ACACA: variants seen among roughly 807,000 people sequenced by gnomAD.
ACACA encodes acetyl-CoA carboxylase alpha.
ACACA carries 103 observed loss-of-function variants against 296.1 expected under a neutral mutation model. The observed-to-expected ratio is 0.35, with a 90% confidence interval of 0.30 to 0.41. The LOEUF is 0.41. ACACA is among the 10% of genes least tolerant of loss of function. The pLI is 1.00. For missense variants in ACACA, 1,554 were observed against 2,989.7 expected (o/e 0.52, Z 11.20); for synonymous variants, 953 against 1,038.6 (o/e 0.92, Z 1.58).
At chr17:37,292,175 A>C (rs895457793) in intron 3 of ACACA, among the ~76,000 whole-genome samples, 2 of 152,204 alleles carry the variant, frequency 1.3e-5, no homozygotes, top group African/African-American at 4.8e-5. Flanking sequence ...TAACTGTATA[A>C]CATCATGTAA....
chr17:37,138,074 G>A (rs1019414202), intron 45 of ACACA, among the ~76,000 whole-genome samples: 8 of 152,132 alleles, frequency 5.3e-5, no homozygotes, highest in South Asian at 4.1e-4. Flanking sequence ...ATTAGGAACC[G>A]GTCAAAAATC....
At chr17:37,324,404 G>A (rs907582256) in intron 3 of ACACA, among the ~76,000 whole-genome samples, 12 of 148,056 alleles carry the variant, frequency 8.1e-5, no homozygotes, top group Non-Finnish European at 1.6e-4. Flanking sequence ...GGTGGCTCAC[G>A]CCCACCCATA....
chr17:37,186,111 C>G (rs1468018834), intron 39 of ACACA, among the ~76,000 whole-genome samples: 1 of 152,182 alleles, frequency 6.6e-6, no homozygotes, highest in African/African-American at 2.4e-5. Flanking sequence ...TTCCTGAATA[C>G]TCAACTATCT....
chr17:37,127,931 G>A (rs1226190294), intron 47 of ACACA, among the ~76,000 whole-genome samples: 2 of 143,440 alleles, frequency 1.4e-5, no homozygotes, highest in Admixed American at 1.4e-4. Context: ...ACAAAAAAAA[G>A]GGGAAAGAAG....
intron 1 of ACACA, chr17:37,391,541 C>T: frequency 1.0e-6 from 1 of 977,892 alleles, no homozygotes; most frequent in Non-Finnish European, 1.6e-6. Flanking sequence ...ATGAAGTGCA[C>T]TTGGAATTAC....
At chr17:37,093,371 C>G (rs1318729975) in intron 54 of ACACA, among the ~76,000 whole-genome samples, 1 of 152,164 alleles carries the variant, frequency 6.6e-6, no homozygotes, top group African/African-American at 2.4e-5. Context: ...AGTCAGCCCC[C>G]TTTCCGCCGA....
At chr17:37,332,574 T>C (rs894616436) in intron 2 of ACACA, among the ~76,000 whole-genome samples, 55 of 120,610 alleles carry the variant, frequency 4.6e-4, no homozygotes, top group Non-Finnish European at 4.4e-4. Flanking sequence ...AGTTCAAGAC[T>C]AGCATGAGCA....
chr17:37,204,869 T>G (rs1312787410), intron 33 of ACACA, among the ~76,000 whole-genome samples: 1 of 152,158 alleles, frequency 6.6e-6, no homozygotes, highest in African/African-American at 2.4e-5. Flanking sequence ...GAATCACTGT[T>G]AAGTGGGAAA....
intron 38 of ACACA, among the ~76,000 whole-genome samples, chr17:37,188,970 T>C (rs1367733718): frequency 3.3e-5 from 5 of 152,240 alleles, no homozygotes; most frequent in African/African-American, 9.6e-5. Flanking sequence ...CTTTATAATA[T>C]ATGTCTCTTG....
At chr17:37,100,415 T>G (rs527933574) in intron 52 of ACACA, among the ~76,000 whole-genome samples, 21 of 152,136 alleles carry the variant, frequency 1.4e-4, no homozygotes, top group Non-Finnish European at 2.6e-4. Context: ...GGACAGAACA[T>G]GACTTCCGCA....
intron 3 of ACACA, among the ~76,000 whole-genome samples, chr17:37,293,510 T>G (rs1048718692): frequency 6.6e-6 from 1 of 151,844 alleles, no homozygotes; most frequent in African/African-American, 2.4e-5. Context: ...GACCCAGATA[T>G]TCAATGAGCA....
chr17:37,223,950 C>T (rs1277127195), intron 27 of ACACA, among the ~76,000 whole-genome samples: 1 of 152,180 alleles, frequency 6.6e-6, no homozygotes, highest in Non-Finnish European at 1.5e-5. Context: ...ACCTATAATC[C>T]CAGCACTTTA....
chr17:37,384,137 G>A (rs1168912009), intron 1 of ACACA, among the ~76,000 whole-genome samples: 2 of 152,154 alleles, frequency 1.3e-5, no homozygotes, highest in East Asian at 1.9e-4. Flanking sequence ...AGTGGTGTGC[G>A]CCTGTTGTCC....
chr17:37,289,134 G>A (rs1208966756), intron 3 of ACACA, among the ~76,000 whole-genome samples: 1 of 150,948 alleles, frequency 6.6e-6, no homozygotes, highest in African/African-American at 2.4e-5. Flanking sequence ...GTGGTGGCAG[G>A]CGCCTGTAGT....
intron 29 of ACACA, among the ~76,000 whole-genome samples, chr17:37,221,203 G>C (rs1234504721): frequency 6.6e-6 from 1 of 152,172 alleles, no homozygotes; most frequent in African/African-American, 2.4e-5. Context: ...TAATTTATTT[G>C]AGATTAAGAA....
intron 1 of ACACA, among the ~76,000 whole-genome samples, chr17:37,347,461 C>T (rs1291669095): frequency 2.6e-5 from 4 of 152,078 alleles, no homozygotes. Flanking sequence ...ACCCAGCTAG[C>T]TTTTTTGTGA....
At chr17:37,158,035 G>C (rs1251254944) in intron 42 of ACACA, among the ~76,000 whole-genome samples, 2 of 152,168 alleles carry the variant, frequency 1.3e-5, no homozygotes, top group Admixed American at 1.3e-4. Context: ...ATGTAAACAT[G>C]ATTTACTGTT....
At chr17:37,327,703 C>T (rs981555534) in intron 3 of ACACA, among the ~76,000 whole-genome samples, 23 of 152,210 alleles carry the variant, frequency 1.5e-4, no homozygotes, top group Non-Finnish European at 7.3e-5. Flanking sequence ...TTCACATAGA[C>T]TCAAACTGGA....
chr17:37,133,731 T>C (rs1460777854), intron 45 of ACACA, among the ~76,000 whole-genome samples: 1 of 152,218 alleles, frequency 6.6e-6, no homozygotes, highest in Non-Finnish European at 1.5e-5. Flanking sequence ...ACATTCTACT[T>C]ACTGTATGAT....
Sources: gnomAD v4.1 joint callset for allele counts (sites outside exome capture counted in the v4.1 genomes callset) on GRCh38, gnomAD v4.1.1 for gene constraint, MANE v1.5 for transcripts, NCBI Gene and HGNC (gene_info 2026-07-23, HGNC 2026-07-21) for gene names.